Variants in TMEM260 observed in about 807,000 individuals in gnomAD.
The protein encoded by TMEM260 is transmembrane protein 260.
A neutral mutation model predicts 88.9 loss-of-function variants in TMEM260; 82 were observed. The observed-to-expected ratio is 0.92, with a 90% confidence interval of 0.77 to 1.11. The LOEUF is 1.11. Among genes scored for constraint, TMEM260 ranks in the 50% least tolerant of loss-of-function variants. TMEM260 has a pLI of 0.00. For missense variants in TMEM260, 902 were observed against 853.4 expected (o/e 1.06, Z -0.71); for synonymous variants, 314 against 309.3 (o/e 1.02, Z -0.16).
chr14:56,620,792 A>AT (rs1205030136), intron 10 of TMEM260, among the ~76,000 whole-genome samples: 1 of 152,134 alleles, frequency 6.6e-6, no homozygotes, highest in African/African-American at 2.4e-5. Flanking sequence ...TGCTTGTCTC[A>AT]TTTTTTGATA....
At chr14:56,590,891 C>G (rs1885812136) in intron 3 of TMEM260, among the ~76,000 whole-genome samples, 2 of 152,154 alleles carry the variant, frequency 1.3e-5, no homozygotes, top group Admixed American at 1.3e-4. Context: ...AGGTTTTTGC[C>G]CTGCAGCTTG....
At chr14:56,624,592 C>G (rs536340828) in intron 11 of TMEM260, among the ~76,000 whole-genome samples, 3 of 152,014 alleles carry the variant, frequency 2.0e-5, no homozygotes, top group Admixed American at 1.3e-4. Flanking sequence ...AATTTGAGAA[C>G]CGTTCTATGC....
At chr14:56,641,451 A>C (rs951940486) in intron 15 of TMEM260, among the ~76,000 whole-genome samples, 2 of 152,220 alleles carry the variant, frequency 1.3e-5, no homozygotes, top group African/African-American at 4.8e-5. Flanking sequence ...AATCCTTTAC[A>C]GACAAGCAAA....
Position 56,648,138 on chromosome 14 carries a change from TAA to T in TMEM260, c.*646_*647del. The stretch of plus-strand genomic sequence containing the variant: ...TATTTCAGTTGCAGAAACTGGCGAG[TAA>T]AAAAGATTTTGCATTTACTTAATTA... On this transcript the variant is annotated 3_prime_UTR_variant, in exon 16 of 16. Coordinates refer to ENST00000261556, the MANE Select transcript of TMEM260 (RefSeq NM_017799.4). The T allele has an allele frequency of 1.3e-5, 2 of 151,940 alleles. No homozygotes were observed. Among genetic ancestry groups the T allele is most frequent in the Admixed American group, 1.3e-4 (2 of 15,248 alleles). 9.4% of individuals were successfully genotyped at this position (151,940 alleles called of 1,614,324 possible).
chr14:56,640,908 T>C (rs535743083), intron 15 of TMEM260, among the ~76,000 whole-genome samples: 7 of 151,918 alleles, frequency 4.6e-5, no homozygotes, highest in African/African-American at 1.7e-4. Context: ...CGATGGACAA[T>C]GAAATGAATG....
At chr14:56,609,364 CAAT>C in intron 6 of TMEM260, 79 bp downstream of exon 6, 3 of 1,288,432 alleles carry the variant, frequency 2.3e-6, no homozygotes, top group Non-Finnish European at 1.1e-6. Context: ...ATTAAAAAAA[CAAT>C]ATTTGTCAAT....
intron 12 of TMEM260, among the ~76,000 whole-genome samples, chr14:56,629,718 A>C (rs1050728917): frequency 2.0e-5 from 3 of 152,126 alleles, no homozygotes; most frequent in African/African-American, 7.2e-5. Flanking sequence ...CTGGGTTGAT[A>C]ATACTGTTTT....
At chr14:56,637,007 C>CT in intron 15 of TMEM260, among the ~76,000 whole-genome samples, 1 of 152,072 alleles carries the variant, frequency 6.6e-6, no homozygotes, top group Non-Finnish European at 1.5e-5. Flanking sequence ...ATACATGATG[C>CT]AGAAGCAGAG....
chr14:56,611,673 C>T (rs1266689680), intron 6 of TMEM260, among the ~76,000 whole-genome samples: 2 of 152,200 alleles, frequency 1.3e-5, no homozygotes, highest in Non-Finnish European at 2.9e-5. Context: ...TTCAACCCAG[C>T]AATCCCATTA....
intron 6 of TMEM260, among the ~76,000 whole-genome samples, chr14:56,610,579 A>T (rs1025756499): frequency 2.6e-5 from 4 of 152,216 alleles, no homozygotes; most frequent in African/African-American, 9.6e-5. Flanking sequence ...TTGGATCTGT[A>T]GATTTTTAAA....
chr14:56,582,364 G>T (rs991002181), intron 1 of TMEM260, among the ~76,000 whole-genome samples: 2 of 152,278 alleles, frequency 1.3e-5, no homozygotes, highest in East Asian at 1.9e-4. Flanking sequence ...CGGGGAGGGG[G>T]TAGGAATCTG....
At chr14:56,632,358 C>A in intron 12 of TMEM260, among the ~76,000 whole-genome samples, 1 of 152,154 alleles carries the variant, frequency 6.6e-6, no homozygotes, top group East Asian at 1.9e-4. Context: ...AATGCCTCTG[C>A]TTAGAGAGAA....
intron 15 of TMEM260, among the ~76,000 whole-genome samples, chr14:56,640,281 A>G (rs1186963216): frequency 6.6e-6 from 1 of 152,034 alleles, no homozygotes; most frequent in Non-Finnish European, 1.5e-5. Flanking sequence ...ACAGCCGGGT[A>G]CTCCTCTGAG....
chr14:56,593,589 C>T (rs1886002273), intron 3 of TMEM260, among the ~76,000 whole-genome samples: 1 of 150,898 alleles, frequency 6.6e-6, no homozygotes, highest in Non-Finnish European at 1.5e-5. Flanking sequence ...CAGTGCTTTC[C>T]TCCGTTATTA....
intron 10 of TMEM260, among the ~76,000 whole-genome samples, chr14:56,619,787 G>GT (rs547136553): frequency 1.2e-4 from 19 of 152,214 alleles, no homozygotes; most frequent in Admixed American, 1.2e-3. Context: ...TTATTACTGG[G>GT]TATATACCTA....
downstream of TMEM260, among the ~76,000 whole-genome samples, chr14:56,653,742 A>AAACAAAC (rs1890249176): frequency 4.6e-5 from 3 of 65,796 alleles, no homozygotes; most frequent in African/African-American, 1.0e-4. Context: ...TCTCCAAAAC[A>AAACAAAC]AAAAAAAAAA....
chr14:56,593,547 CT>C (rs1479011924), intron 3 of TMEM260, among the ~76,000 whole-genome samples: 1 of 151,604 alleles, frequency 6.6e-6, no homozygotes, highest in Non-Finnish European at 1.5e-5. Context: ...ACTTAAATGA[CT>C]TTTGGATTTG....
intron 15 of TMEM260, among the ~76,000 whole-genome samples, chr14:56,639,535 A>G (rs1427714627): frequency 6.6e-6 from 1 of 152,204 alleles, no homozygotes; most frequent in African/African-American, 2.4e-5. Context: ...AGACAGCCAA[A>G]TAGGAACAGC....
chr14:56,635,017 A>ACTT, intron 14 of TMEM260, 65 bp downstream of exon 14: 1 of 1,448,816 alleles, frequency 6.9e-7, no homozygotes, highest in Non-Finnish European at 9.7e-7. Flanking sequence ...AGCTTATGGC[A>ACTT]CTTTTAATTT....
Sources: gnomAD v4.1 joint callset for allele counts (sites outside exome capture counted in the v4.1 genomes callset) on GRCh38, gnomAD v4.1.1 for gene constraint, MANE v1.5 for transcripts, NCBI Gene and HGNC (gene_info 2026-07-23, HGNC 2026-07-21) for gene names.